The following LIX1 variants were observed in gnomAD, a reference collection of about 807,000 sequenced individuals.
The protein encoded by LIX1 is limb and CNS expressed 1.
In LIX1, 24 loss-of-function variants were observed where a neutral mutation model predicts 33.4. The ratio of observed to expected loss-of-function variants is 0.72; its 90% CI spans 0.52 to 1.01. LIX1 has a LOEUF of 1.01. Ranked by LOEUF, LIX1 falls within the 50% of genes least tolerant of loss-of-function variation. LIX1 has a pLI of 0.00. For synonymous variants in LIX1, 124 were observed against 124.0 expected (o/e 1.00, Z 0.00); for missense variants, 311 against 339.2 (o/e 0.92, Z 0.65).
At chr5:97,096,953 G>A in intron 4 of LIX1, 66 bp from the exon 5 acceptor site, 1 of 1,162,522 alleles carries the variant, frequency 8.6e-7, no homozygotes, top group South Asian at 1.2e-5. Flanking sequence ...AGCTGAGCAG[G>A]GCATAACTCT....
chr5:97,127,402 C>G (rs1186054837), intron 1 of LIX1, among the ~76,000 whole-genome samples: 1 of 152,134 alleles, frequency 6.6e-6, no homozygotes. Flanking sequence ...ATTTTTCATT[C>G]TGCAATTTTG....
chr5:97,127,014 C>T (rs1747943902), intron 1 of LIX1, among the ~76,000 whole-genome samples: 1 of 152,116 alleles, frequency 6.6e-6, no homozygotes, highest in African/African-American at 2.4e-5. Flanking sequence ...TTATTTCTGT[C>T]CCCTACTCTC....
chr5:97,104,789 T>C (rs965265465), intron 4 of LIX1, among the ~76,000 whole-genome samples: 2 of 152,176 alleles, frequency 1.3e-5, no homozygotes, highest in African/African-American at 4.8e-5. Context: ...AGTAGGGTAT[T>C]GTTTAACGTG....
At chr5:97,107,729 C>T (rs551178914) in intron 2 of LIX1, among the ~76,000 whole-genome samples, 8 of 152,102 alleles carry the variant, frequency 5.3e-5, no homozygotes, top group Non-Finnish European at 1.0e-4. Context: ...ATTTTATAGT[C>T]ATTGAATGTC....
chr5:97,133,797 G>A (rs1748115866), intron 1 of LIX1, among the ~76,000 whole-genome samples: 1 of 152,142 alleles, frequency 6.6e-6, no homozygotes, highest in South Asian at 2.1e-4. Context: ...CCTGCTCCTA[G>A]CAAAAACTAC....
chr5:97,096,888 C>T lies in LIX1; in HGVS notation c.484-1G>A, dbSNP rs1746406791. On this transcript the variant is annotated splice_acceptor_variant, in intron 4 of 5. Transcript: ENST00000274382. LOFTEE classifies it high-confidence loss of function. ...ATAGTTGGAAAATGGTCATCAGCTC[C>T]TACAAAACCCAAACACCTATCATTG... 1.9e-6 allele frequency: 3 copies of T among 1,612,920 alleles called. No individual in the cohort carries two copies. Among genetic ancestry groups the T allele is most frequent in the Non-Finnish European group, 2.5e-6 (3 of 1,178,918 alleles).
chr5:97,127,251 A>T (rs1342996642), intron 1 of LIX1, among the ~76,000 whole-genome samples: 1 of 152,190 alleles, frequency 6.6e-6, no homozygotes, highest in Non-Finnish European at 1.5e-5. Flanking sequence ...GAAGTTGAGG[A>T]CCCATGATAG....
intron 5 of LIX1, among the ~76,000 whole-genome samples, chr5:97,096,135 A>T (rs181932829): frequency 3.9e-5 from 6 of 152,330 alleles, no homozygotes; most frequent in African/African-American, 1.4e-4. Flanking sequence ...TTCACATTCT[A>T]ACGGTGGGTA....
At chr5:97,131,567 C>T (rs1264811752) in intron 1 of LIX1, among the ~76,000 whole-genome samples, 2 of 152,150 alleles carry the variant, frequency 1.3e-5, no homozygotes, top group African/African-American at 2.4e-5. Context: ...AACAATTCAT[C>T]TTACAGAATA....
rs1561493136 is a variant in LIX1, at chr5:97,107,454, GC to G, written c.292del (p.Ala98ProfsTer2). On this transcript the variant is annotated frameshift_variant, in exon 3 of 6. Transcript: ENST00000274382. LOFTEE classifies it high-confidence loss of function. Reference protein sequence around the residue: ...AEARRDAAKVALINSLFNELP... With the variant: ...AEARRDAAKVXLINSLFNELP... ...CTCATTGAAGAGGGAGTTGATCAGG[GC>G]CACTTTAGCTGCATCCCGCCTGGCC... 6.2e-7 allele frequency: 1 copy of G among 1,613,638 alleles called. No homozygotes were observed. Among genetic ancestry groups the G allele is most frequent in the South Asian group, 1.1e-5 (1 of 91,054 alleles).
At chr5:97,100,028 T>A (rs1202969582) in intron 4 of LIX1, among the ~76,000 whole-genome samples, 1 of 152,156 alleles carries the variant, frequency 6.6e-6, no homozygotes, top group Non-Finnish European at 1.5e-5. Flanking sequence ...GGCTCTTAAT[T>A]CCATCCTCTG....
chr5:97,098,408 T>C (rs1746502986), intron 4 of LIX1, among the ~76,000 whole-genome samples: 1 of 152,220 alleles, frequency 6.6e-6, no homozygotes, highest in Admixed American at 6.5e-5. Context: ...CAATTAGAAG[T>C]TTTCCACTGA....
intron 1 of LIX1, among the ~76,000 whole-genome samples, chr5:97,125,268 C>A (rs9314187): frequency 6.6e-6 from 1 of 152,092 alleles, no homozygotes; most frequent in Admixed American, 6.5e-5. Context: ...ATGGCTAGAG[C>A]CATATGTTTT....
chr5:97,098,362 A>C (rs957043876), intron 4 of LIX1, among the ~76,000 whole-genome samples: 13 of 152,278 alleles, frequency 8.5e-5, no homozygotes, highest in Admixed American at 2.0e-4. Flanking sequence ...AAGGTGTATA[A>C]GTTTACTGAA....
intron 1 of LIX1, among the ~76,000 whole-genome samples, chr5:97,133,102 T>A (rs1748095723): frequency 6.6e-6 from 1 of 152,130 alleles, no homozygotes. Flanking sequence ...ATGTAGAGAG[T>A]TTAAATGCTT....
chr5:97,123,357 C>A (rs1747832012), intron 2 of LIX1, among the ~76,000 whole-genome samples: 2 of 152,176 alleles, frequency 1.3e-5, no homozygotes, highest in South Asian at 4.1e-4. Flanking sequence ...CTTTCACATA[C>A]CCGCTCCACT....
At chr5:97,129,384 G>C (rs1748004417) in intron 1 of LIX1, among the ~76,000 whole-genome samples, 1 of 152,100 alleles carries the variant, frequency 6.6e-6, no homozygotes, top group East Asian at 1.9e-4. Flanking sequence ...AATATAATCT[G>C]CTTCTTAACA....
At chr5:97,136,430 GA>G (rs1748174072) in intron 1 of LIX1, among the ~76,000 whole-genome samples, 1 of 152,158 alleles carries the variant, frequency 6.6e-6, no homozygotes, top group African/African-American at 2.4e-5. Context: ...CCCTTCATGC[GA>G]GGAAGAAAAA....
chr5:97,118,401 GAAGCAAAA>G (rs1245368785), intron 2 of LIX1, among the ~76,000 whole-genome samples: 2 of 152,140 alleles, frequency 1.3e-5, no homozygotes, highest in African/African-American at 4.8e-5. Flanking sequence ...TTTGGATTTG[GAAGCAAAA>G]ACAGCTGCTG....
Sources: gnomAD v4.1 joint callset for allele counts (sites outside exome capture counted in the v4.1 genomes callset) on GRCh38, gnomAD v4.1.1 for gene constraint, MANE v1.5 for transcripts, NCBI Gene and HGNC (gene_info 2026-07-23, HGNC 2026-07-21) for gene names.